NKAIN3: variants seen among roughly 807,000 people sequenced by gnomAD.
NKAIN3 encodes sodium/potassium transporting ATPase interacting 3, also known as sodium/potassium-transporting ATPase subunit beta-1-interacting protein 3.
Under a neutral mutation model 30.2 loss-of-function variants are expected in NKAIN3, and 25 were observed. That is an observed-to-expected ratio of 0.83 (90% CI 0.60 to 1.16). The LOEUF (loss-of-function observed/expected upper bound fraction) is 1.16, where lower values mean the gene tolerates loss of function less well. Among genes scored for constraint, NKAIN3 ranks in the 50% most tolerant of loss-of-function variants. NKAIN3 has a pLI of 0.00. For missense variants in NKAIN3, 225 were observed against 254.1 expected (o/e 0.89, Z 0.78); for synonymous variants, 91 against 89.6 (o/e 1.02, Z -0.09).
intron 1 of NKAIN3, among the ~76,000 whole-genome samples, chr8:62,412,495 C>T (rs1804272351): frequency 6.6e-6 from 1 of 152,038 alleles, no homozygotes; most frequent in Non-Finnish European, 1.5e-5. Flanking sequence ...AGAAGAAAAT[C>T]TTTAAACAGA....
chr8:62,601,027 A>G (rs923776574), intron 3 of NKAIN3, among the ~76,000 whole-genome samples: 1 of 152,068 alleles, frequency 6.6e-6, no homozygotes, highest in Non-Finnish European at 1.5e-5. Flanking sequence ...TAGACCGTCA[A>G]TTCAGAGTTC....
At position 62,506,476 on chromosome 8, in the gene NKAIN3, CT is replaced by C. The variant is rs71255341; in HGVS notation, c.55-73047del. ...TCTGCTTTTTCTTTTTTCTTTCTTT[CT>C]TTTTTTTTTTTTTTTGAGACAGAGT... On this transcript the variant is annotated intron_variant, in intron 1 of 6. Coordinates refer to ENST00000623646, the MANE Select transcript of NKAIN3 (RefSeq NM_001304533.3). Among the ~76,000 whole-genome samples the C allele has an allele frequency of 4.1e-3, 399 of 98,444 alleles. 4 individuals are homozygous for C. Among genetic ancestry groups the C allele is most frequent in the Middle Eastern group, 0.016 (2 of 128 alleles). 64.6% of individuals were successfully genotyped at this position (98,444 alleles called of 152,430 possible).
intron 1 of NKAIN3, among the ~76,000 whole-genome samples, chr8:62,520,198 G>C (rs780687520): frequency 3.3e-5 from 5 of 152,070 alleles, no homozygotes; most frequent in Non-Finnish European, 7.4e-5. Flanking sequence ...GCATGACCCT[G>C]TGGTGCACTA....
intron 6 of NKAIN3, among the ~76,000 whole-genome samples, chr8:62,962,110 A>C (rs900183040): frequency 2.6e-5 from 4 of 152,308 alleles, no homozygotes; most frequent in South Asian, 4.1e-4. Flanking sequence ...TACATAGAAA[A>C]TGTGTAAGTA....
intron 1 of NKAIN3, among the ~76,000 whole-genome samples, chr8:62,478,198 G>A (rs1806582582): frequency 6.6e-6 from 1 of 152,092 alleles, no homozygotes; most frequent in Non-Finnish European, 1.5e-5. Context: ...TACTGATGAG[G>A]AAACTGAGAC....
Position 62,500,543 on chromosome 8 carries a change from G to A in NKAIN3, c.55-78996G>A, listed in dbSNP as rs146985308. 1.8e-4 allele frequency among the ~76,000 whole-genome samples: 27 copies of A among 151,852 alleles called. No homozygotes were observed. In the East Asian group the frequency reaches 4.5e-3, roughly 25 times the overall value. On this transcript the variant is annotated intron_variant, in intron 1 of 6. Transcript: ENST00000623646. ...AAAGAGTGAGGGAGGGAGGGAGGGA[G>A]GACAATTAGATGTGACCTCTGTGGT...
intron 3 of NKAIN3, among the ~76,000 whole-genome samples, chr8:62,656,904 T>G (rs1414937140): frequency 6.6e-6 from 1 of 152,190 alleles, no homozygotes; most frequent in Non-Finnish European, 1.5e-5. Context: ...TAAATCAACA[T>G]GTTACCAAAT....
rs111540024 is a variant in NKAIN3 at position 62,560,412 on chromosome 8, G to A, written c.55-19127G>A. On this transcript the variant is annotated intron_variant, in intron 1 of 6. Transcript: ENST00000623646. The stretch of plus-strand genomic sequence containing the variant: ...TAGTGACTTAAATGTCAGATATTTT[G>A]TTATAATACCACAGGACTTTCAGTC... Among the ~76,000 whole-genome samples, 934 of 149,228 alleles carry A rather than the reference G, an allele frequency of 6.3e-3. 7 individuals are homozygous for A. Among genetic ancestry groups the A allele is most frequent in the Middle Eastern group, 0.025 (7 of 278 alleles).
chr8:62,713,873 G>A (rs1466589890), intron 3 of NKAIN3, among the ~76,000 whole-genome samples: 1 of 152,084 alleles, frequency 6.6e-6, no homozygotes, highest in Non-Finnish European at 1.5e-5. Context: ...TAATGTATTT[G>A]GAATTTGGTT....
At chr8:62,920,180 C>G (rs1822235041) in intron 5 of NKAIN3, among the ~76,000 whole-genome samples, 1 of 152,120 alleles carries the variant, frequency 6.6e-6, no homozygotes, top group African/African-American at 2.4e-5. Context: ...GGAATTTGAG[C>G]TGAATAAGTC....
At chr8:62,319,026 A>C (rs2129589229) in intron 1 of NKAIN3, among the ~76,000 whole-genome samples, 1 of 152,304 alleles carries the variant, frequency 6.6e-6, no homozygotes, top group South Asian at 2.1e-4. Flanking sequence ...TTATTGGTCT[A>C]TTCAGAGATT....
At chr8:62,620,083 A>T (rs913281781) in intron 3 of NKAIN3, among the ~76,000 whole-genome samples, 4 of 152,144 alleles carry the variant, frequency 2.6e-5, no homozygotes, top group Non-Finnish European at 5.9e-5. Context: ...AAACAGTTAA[A>T]CCTGAGTGTT....
At chr8:62,824,514 A>G (rs1350308848) in intron 4 of NKAIN3, among the ~76,000 whole-genome samples, 2 of 151,698 alleles carry the variant, frequency 1.3e-5, no homozygotes, top group Non-Finnish European at 2.9e-5. Flanking sequence ...ACACACACAC[A>G]CACACACACA....
At chr8:62,477,659 G>T (rs1243820432) in intron 1 of NKAIN3, among the ~76,000 whole-genome samples, 3 of 152,026 alleles carry the variant, frequency 2.0e-5, no homozygotes, top group African/African-American at 7.2e-5. Context: ...TGTATTTCAG[G>T]ACCCAAAAAG....
intron 4 of NKAIN3, among the ~76,000 whole-genome samples, chr8:62,784,276 G>A (rs902016974): frequency 6.6e-6 from 1 of 151,806 alleles, no homozygotes; most frequent in South Asian, 2.1e-4. Context: ...AAATAATAAA[G>A]AGTAAAGCAA....
intron 1 of NKAIN3, among the ~76,000 whole-genome samples, chr8:62,500,481 G>GAAAGA (rs1554540136): frequency 4.1e-5 from 5 of 123,058 alleles, no homozygotes; most frequent in African/African-American, 1.2e-4. Flanking sequence ...AAGAAAGAAA[G>GAAAGA]AAAGAAGAAA....
At chr8:62,444,370 C>T (rs1210502552) in intron 1 of NKAIN3, among the ~76,000 whole-genome samples, 4 of 151,998 alleles carry the variant, frequency 2.6e-5, no homozygotes. Context: ...TATTTGTACC[C>T]ACTAATCAAC....
chr8:62,609,397 C>A (rs1811219733), intron 3 of NKAIN3, among the ~76,000 whole-genome samples: 1 of 152,112 alleles, frequency 6.6e-6, no homozygotes, highest in African/African-American at 2.4e-5. Flanking sequence ...TTGTTAGATA[C>A]AATCTTTTCA....
rs909575962 is a variant in NKAIN3 at position 62,483,002 on chromosome 8, G to A, written c.55-96537G>A. On this transcript the variant is annotated intron_variant, in intron 1 of 6. Coordinates refer to ENST00000623646, the MANE Select transcript of NKAIN3 (RefSeq NM_001304533.3). The stretch of plus-strand genomic sequence containing the variant: ...CTCCCACACTGAGCAGTGCAGTACG[G>A]GAGAAGAAAACCCACCAGAGACACC... 133 of 152,262 alleles carry A rather than the reference G, an allele frequency of 8.7e-4. 1 individual carries two copies. Among genetic ancestry groups the A allele is most frequent in the African/African-American group, 3.1e-3 (127 of 41,538 alleles). 9.4% of individuals were successfully genotyped at this position (152,262 alleles called of 1,614,324 possible). A position where few individuals can be genotyped will look rare whatever the true frequency, so the allele number is the denominator to read the frequency against.
Sources: allele counts gnomAD v4.1 joint callset (sites outside exome capture counted in the v4.1 genomes callset), GRCh38; gene constraint gnomAD v4.1.1; transcripts MANE v1.5; gene names NCBI Gene and HGNC (gene_info 2026-07-23, HGNC 2026-07-21).